Variants in USH2A observed in about 807,000 individuals in gnomAD.
The protein encoded by USH2A is usherin, also known as Usher syndrome 2A (autosomal recessive, mild).
Under a neutral mutation model 538.9 loss-of-function variants are expected in USH2A, and 443 were observed. That is an observed-to-expected ratio of 0.82 (90% CI 0.76 to 0.89). The LOEUF is 0.89. USH2A is among the 40% of genes least tolerant of loss of function. The pLI is 0.00. For missense variants in USH2A, 6,633 were observed against 6,324.8 expected (o/e 1.05, Z -1.65); for synonymous variants, 2,413 against 2,273.5 (o/e 1.06, Z -1.75).
In USH2A at chr1:216,422,247, C is replaced by G. The variant is rs763164382; in HGVS notation, c.90G>C (p.Leu30Phe). 2.5e-6 allele frequency: 4 copies of G among 1,613,464 alleles called. No homozygotes were observed. The highest frequency in any genetic ancestry group is 3.4e-6 in the Non-Finnish European group (4 of 1,179,790). The change falls in exon 2 of 72, where the codon TTG becomes TTC. Residue 30 changes from leucine (L) to phenylalanine (F), a missense_variant. Leu to Phe is a conservative substitution (Grantham distance 22, BLOSUM62 0). Transcript: ENST00000307340. Reference sequence around the variant, plus strand: ...TTGGGAAAAGACCTCGTGACTCAGTCAAGGATATTGAAGCAAAATAGGCAA... The same window carrying G: ...TTGGGAAAAGACCTCGTGACTCAGTGAAGGATATTGAAGCAAAATAGGCAA... The part of the protein sequence containing the change: ...LIFAYFASIS[L>F]TESRGLFPRL...
At chr1:215,776,598 A>G (rs1210853310) in intron 55 of USH2A, among the ~76,000 whole-genome samples, 2 of 152,160 alleles carry the variant, frequency 1.3e-5, no homozygotes, top group African/African-American at 4.8e-5. Flanking sequence ...CTAGTGCTAC[A>G]GCTTTATTAG....
At chr1:215,722,367 A>G (rs1659688389) in intron 61 of USH2A, among the ~76,000 whole-genome samples, 1 of 152,190 alleles carries the variant, frequency 6.6e-6, no homozygotes, top group Non-Finnish European at 1.5e-5. Context: ...TCATCAAATT[A>G]AAAAGAGTTG....
intron 61 of USH2A, among the ~76,000 whole-genome samples, chr1:215,711,293 G>A (rs1659331382): frequency 6.6e-6 from 1 of 152,020 alleles, no homozygotes; most frequent in African/African-American, 2.4e-5. Flanking sequence ...CCTGTGTTGC[G>A]ACTTGGAGTT....
At chr1:216,417,485 T>C (rs1259063947) in intron 3 of USH2A, among the ~76,000 whole-genome samples, 1 of 152,030 alleles carries the variant, frequency 6.6e-6, no homozygotes, top group East Asian at 1.9e-4. Context: ...GCTTTGGTGG[T>C]GGGGCCTGAT....
chr1:215,839,861 A>G (rs1021732381), intron 46 of USH2A, among the ~76,000 whole-genome samples: 1 of 152,166 alleles, frequency 6.6e-6, no homozygotes, highest in Admixed American at 6.6e-5. Flanking sequence ...GGGATTATTC[A>G]AAAAGTAGAT....
At chr1:215,633,739 C>A (rs1025141104) in intron 70 of USH2A, among the ~76,000 whole-genome samples, 1 of 152,160 alleles carries the variant, frequency 6.6e-6, no homozygotes, top group Non-Finnish European at 1.5e-5. Flanking sequence ...GATTAGAAAA[C>A]GCAGCCTTTC....
intron 3 of USH2A, among the ~76,000 whole-genome samples, chr1:216,370,695 A>AAAAAAAAAAAAAAAAC (rs2038696356): frequency 6.6e-6 from 1 of 150,624 alleles, no homozygotes; most frequent in Non-Finnish European, 1.5e-5. Context: ...AAAAAAAAAA[A>AAAAAAAAAAAAAAAAC]AAAAAAATAC....
At chr1:216,015,296 G>C (rs533617276) in intron 32 of USH2A, among the ~76,000 whole-genome samples, 20 of 152,290 alleles carry the variant, frequency 1.3e-4, no homozygotes, top group African/African-American at 4.8e-4. Flanking sequence ...AAAGCAATGA[G>C]CTGCGCCAGA....
chr1:216,278,271 A>T (rs1201362139), intron 11 of USH2A, among the ~76,000 whole-genome samples: 2 of 152,180 alleles, frequency 1.3e-5, no homozygotes, highest in African/African-American at 2.4e-5. Context: ...GGAACTCAAC[A>T]TAAACTGGAG....
chr1:216,324,096 G>A, intron 7 of USH2A, 72 bp downstream of exon 7: 1 of 1,524,190 alleles, frequency 6.6e-7, no homozygotes, highest in Non-Finnish European at 8.9e-7. Context: ...CACCAGCCTA[G>A]AGAGCTAGCA....
rs552700655 is a variant in USH2A at position 215,785,140 on chromosome 1, A to G, written c.10387+1530T>C. Among the ~76,000 whole-genome samples the G allele has an allele frequency of 6.6e-5, 10 of 152,312 alleles. No individual in the cohort carries two copies. The South Asian group carries it at 2.1e-3, about 32-fold the overall frequency. On this transcript the variant is annotated intron_variant, in intron 52 of 71. Coordinates refer to ENST00000307340, the MANE Select transcript of USH2A (RefSeq NM_206933.4). The stretch of plus-strand genomic sequence containing the variant: ...AGGCAAAGGTAAACAAAAATGCCCT[A>G]TTCATAAGGATGTTTCAATCTAATA...
intron 19 of USH2A, among the ~76,000 whole-genome samples, chr1:216,194,861 C>G (rs1456613329): frequency 6.6e-6 from 1 of 152,054 alleles, no homozygotes; most frequent in Non-Finnish European, 1.5e-5. Context: ...GGAAAGGGCT[C>G]TGCACCAGGT....
chr1:215,762,401 G>A (rs904154445), intron 56 of USH2A, among the ~76,000 whole-genome samples: 1 of 152,148 alleles, frequency 6.6e-6, no homozygotes, highest in African/African-American at 2.4e-5. Context: ...TGTGGATGTG[G>A]AGGAGCTAAT....
intron 26 of USH2A, among the ~76,000 whole-genome samples, chr1:216,079,732 C>T (rs57347173): frequency 0.014 from 2,070 of 152,158 alleles, 44 homozygotes; most frequent in African/African-American, 0.047. Context: ...AAGAAGTACA[C>T]ATTGAAAACA....
At chr1:215,702,246 T>G (rs1468654544) in intron 61 of USH2A, among the ~76,000 whole-genome samples, 1 of 152,208 alleles carries the variant, frequency 6.6e-6, no homozygotes, top group Non-Finnish European at 1.5e-5. Context: ...CTGGCTGCCC[T>G]TAACATTTTT....
intron 9 of USH2A, among the ~76,000 whole-genome samples, chr1:216,306,939 G>T (rs1216506500): frequency 6.6e-6 from 1 of 152,150 alleles, no homozygotes; most frequent in Non-Finnish European, 1.5e-5. Context: ...AGATAGCAGG[G>T]GAGTGAAGTA....
chr1:216,324,504 C>A (rs1374180388), intron 6 of USH2A, 152 bp from the exon 7 acceptor site: 2 of 736,162 alleles, frequency 2.7e-6, no homozygotes, highest in Non-Finnish European at 4.3e-6. Context: ...AACTTCATAG[C>A]CCTGTGGTAA....
intron 32 of USH2A, among the ~76,000 whole-genome samples, chr1:216,043,698 T>C (rs1342611802): frequency 6.6e-6 from 1 of 152,038 alleles, no homozygotes; most frequent in East Asian, 1.9e-4. Flanking sequence ...GTATTAGAAA[T>C]TGATGTGAAT....
intron 22 of USH2A, among the ~76,000 whole-genome samples, chr1:216,090,438 A>G (rs7552879): frequency 0.37 from 55,167 of 149,646 alleles, 10,730 homozygotes; most frequent in East Asian, 0.84. Flanking sequence ...AAGTAAAAAA[A>G]AAAAAAAAAA....
Sources: gnomAD v4.1 joint callset for allele counts (sites outside exome capture counted in the v4.1 genomes callset) on GRCh38, gnomAD v4.1.1 for gene constraint, MANE v1.5 for transcripts, NCBI Gene and HGNC (gene_info 2026-07-23, HGNC 2026-07-21) for gene names.